RBM47: variants seen among roughly 807,000 people sequenced by gnomAD.
The protein encoded by RBM47 is RNA binding motif protein 47.
RBM47 carries 21 observed loss-of-function variants against 47.1 expected under a neutral mutation model. The observed-to-expected ratio is 0.45, with a 90% confidence interval of 0.32 to 0.64. The LOEUF (loss-of-function observed/expected upper bound fraction) is 0.64. RBM47 is among the 30% of genes least tolerant of loss of function. The pLI, the probability that RBM47 is intolerant of heterozygous loss-of-function variation, is 0.05. For missense variants in RBM47, 708 were observed against 870.9 expected (o/e 0.81, Z 2.35); for synonymous variants, 375 against 361.7 (o/e 1.04, Z -0.42).
intron 1 of RBM47, among the ~76,000 whole-genome samples, chr4:40,606,640 A>C (rs1359776486): frequency 6.6e-6 from 1 of 151,714 alleles, no homozygotes; most frequent in Non-Finnish European, 1.5e-5. Flanking sequence ...CTGGCTCTCC[A>C]CTTGCTGGCT....
At chr4:40,612,617 G>T (rs1459675411) in intron 1 of RBM47, among the ~76,000 whole-genome samples, 1 of 152,180 alleles carries the variant, frequency 6.6e-6, no homozygotes. Flanking sequence ...TCTTTAATCT[G>T]ATCCAACAGG....
rs539510601 is a variant in RBM47 at position 40,573,256 on chromosome 4, CA to C, written c.-239-28751del. Among the ~76,000 whole-genome samples, 517 of 151,588 alleles carry C rather than the reference CA, an allele frequency of 3.4e-3. 5 individuals carry two copies. The highest frequency in any genetic ancestry group is 0.012 in the African/African-American group (493 of 41,318). Reference sequence around the variant, plus strand: ...GAATTTGGTAAGCACATCTTATATGCATTTTTTAAAGACATTAATTCCAGTT... The same window carrying C: ...GAATTTGGTAAGCACATCTTATATGCTTTTTTAAAGACATTAATTCCAGTT... On this transcript the variant is annotated intron_variant, in intron 1 of 6. Coordinates refer to ENST00000295971, the MANE Select transcript of RBM47 (RefSeq NM_001098634.2).
At chr4:40,558,970 G>A (rs1406860567) in intron 1 of RBM47, among the ~76,000 whole-genome samples, 1 of 152,106 alleles carries the variant, frequency 6.6e-6, no homozygotes, top group South Asian at 2.1e-4. Flanking sequence ...CTCCAGCCTG[G>A]GTGACAGAGT....
chr4:40,534,085 G>A (rs1258975270), intron 2 of RBM47, among the ~76,000 whole-genome samples: 2 of 151,940 alleles, frequency 1.3e-5, no homozygotes, highest in Non-Finnish European at 2.9e-5. Flanking sequence ...CAAAGTGCTG[G>A]GATTACAGGC....
intron 2 of RBM47, among the ~76,000 whole-genome samples, chr4:40,532,395 C>T (rs554166702): frequency 6.7e-6 from 1 of 149,978 alleles, no homozygotes; most frequent in South Asian, 2.1e-4. Flanking sequence ...TCATTACAAC[C>T]TCCACCTCCT....
At chr4:40,604,287 T>G (rs1735546153) in intron 1 of RBM47, among the ~76,000 whole-genome samples, 1 of 151,936 alleles carries the variant, frequency 6.6e-6, no homozygotes, top group Non-Finnish European at 1.5e-5. Context: ...TAGCAAAGGA[T>G]GGATGGAAAG....
At chr4:40,569,178 G>A (rs986813304) in intron 1 of RBM47, among the ~76,000 whole-genome samples, 3 of 151,944 alleles carry the variant, frequency 2.0e-5, no homozygotes, top group African/African-American at 7.2e-5. Flanking sequence ...AATACAACAT[G>A]AGTGAGAGCC....
chr4:40,470,445 G>C (rs1718686498), intron 2 of RBM47, among the ~76,000 whole-genome samples: 1 of 152,152 alleles, frequency 6.6e-6, no homozygotes, highest in Non-Finnish European at 1.5e-5. Flanking sequence ...TTTATTGGAT[G>C]CTTCTGGCAT....
At position 40,425,921 on chromosome 4, in the gene RBM47, C is replaced by T. The variant is rs781251500; in HGVS notation, c.1765G>A (p.Val589Ile). Residue 589 changes from valine to isoleucine, a missense_variant, in exon 7 of 7, where the codon GTC becomes ATC. Physicochemically the swap from Val to Ile is conservative, Grantham distance 29 (BLOSUM62 3). Transcript: ENST00000295971. The part of the protein sequence containing the change: ...AAAIQVPIPD[V>I]YQTY ...CACCAGCCTCAGTATGTCTGGTAGA[C>T]GTCGGGGATGGGGACCTGAATGGCA... 21 of 1,614,030 alleles carry T rather than the reference C, an allele frequency of 1.3e-5. No homozygotes were observed. The Middle Eastern group carries it at 6.6e-4, about 51-fold the overall frequency.
intron 2 of RBM47, among the ~76,000 whole-genome samples, chr4:40,483,885 CT>C (rs1285304233): frequency 6.6e-6 from 1 of 152,108 alleles, no homozygotes; most frequent in Non-Finnish European, 1.5e-5. Context: ...AATGTTTATT[CT>C]TTTTACTTAG....
intron 1 of RBM47, among the ~76,000 whole-genome samples, chr4:40,556,096 C>T (rs1041620940): frequency 4.0e-5 from 6 of 149,538 alleles, no homozygotes; most frequent in Admixed American, 2.0e-4. Flanking sequence ...AGTGCGGTGG[C>T]GTGATCTTGG....
intron 2 of RBM47, among the ~76,000 whole-genome samples, chr4:40,494,029 T>G (rs1722250198): frequency 6.6e-6 from 1 of 152,196 alleles, no homozygotes; most frequent in Admixed American, 6.6e-5. Context: ...CAACTGATAA[T>G]TCTAACTTTG....
At chr4:40,451,111 T>C (rs1002385261) in intron 3 of RBM47, among the ~76,000 whole-genome samples, 34 of 147,710 alleles carry the variant, frequency 2.3e-4, no homozygotes, top group African/African-American at 8.5e-4. Context: ...CTTTGTGAGG[T>C]TGAGGTGGGA....
At chr4:40,470,354 GT>G (rs1718669541) in intron 2 of RBM47, among the ~76,000 whole-genome samples, 2 of 152,120 alleles carry the variant, frequency 1.3e-5, no homozygotes, top group African/African-American at 4.8e-5. Flanking sequence ...CAACTGGTTT[GT>G]TTTAATGTTT....
At chr4:40,604,198 C>T (rs994346000) in intron 1 of RBM47, among the ~76,000 whole-genome samples, 2 of 152,200 alleles carry the variant, frequency 1.3e-5, no homozygotes, top group East Asian at 3.8e-4. Context: ...TGTAATATTA[C>T]ACAGGACCTG....
At chr4:40,590,938 G>T (rs550292564) in intron 1 of RBM47, among the ~76,000 whole-genome samples, 1 of 152,314 alleles carries the variant, frequency 6.6e-6, no homozygotes, top group East Asian at 1.9e-4. Flanking sequence ...GAGCAGCTGG[G>T]ACCACAGGCA....
At chr4:40,496,983 G>A (rs937717614) in intron 2 of RBM47, among the ~76,000 whole-genome samples, 4 of 150,124 alleles carry the variant, frequency 2.7e-5, no homozygotes, top group East Asian at 2.0e-4. Flanking sequence ...GGAGGTTGCG[G>A]TGAGCCAAGA....
At chr4:40,562,390 A>G (rs1730710968) in intron 1 of RBM47, among the ~76,000 whole-genome samples, 1 of 151,762 alleles carries the variant, frequency 6.6e-6, no homozygotes, top group Non-Finnish European at 1.5e-5. Context: ...TGTGAAATAC[A>G]CTGAGGTTGC....
chr4:40,447,649 C>T (rs1423017110), intron 3 of RBM47, among the ~76,000 whole-genome samples: 2 of 152,082 alleles, frequency 1.3e-5, no homozygotes, highest in East Asian at 1.9e-4. Flanking sequence ...AAGGCTGAGG[C>T]GGGTGGATCA....
Sources: gnomAD v4.1 joint callset for allele counts (sites outside exome capture counted in the v4.1 genomes callset) on GRCh38, gnomAD v4.1.1 for gene constraint, MANE v1.5 for transcripts, NCBI Gene and HGNC (gene_info 2026-07-23, HGNC 2026-07-21) for gene names.